Variants in TRIM26 observed in about 807,000 individuals in gnomAD.
TRIM26 encodes tripartite motif containing 26.
TRIM26 carries 16 observed loss-of-function variants against 45.5 expected under a neutral mutation model. That is an observed-to-expected ratio of 0.35 (90% CI 0.24 to 0.53). The LOEUF (loss-of-function observed/expected upper bound fraction) is 0.53, where lower values mean the gene tolerates loss of function less well. Among genes scored for constraint, TRIM26 ranks in the 20% least tolerant of loss-of-function variants. The probability of loss-of-function intolerance (pLI) is 0.92; values close to 1 mark genes in which losing one functional copy is unlikely to be tolerated. For missense variants in TRIM26, 442 were observed against 691.1 expected (o/e 0.64, Z 4.04); for synonymous variants, 273 against 290.4 (o/e 0.94, Z 0.61).
intron 1 of TRIM26, among the ~76,000 whole-genome samples, chr6:30,210,938 C>T (rs1037141191): frequency 2.0e-5 from 3 of 152,134 alleles, no homozygotes; most frequent in African/African-American, 7.2e-5. Context: ...CCATGGGTAA[C>T]GGAAACCACG....
intron 3 of TRIM26, among the ~76,000 whole-genome samples, chr6:30,200,139 C>G (rs1777002087): frequency 6.6e-6 from 1 of 152,052 alleles, no homozygotes; most frequent in Admixed American, 6.5e-5. Context: ...TAAAATACCC[C>G]AGTGTAGTAG....
Position 30,185,717 on chromosome 6 carries a change from G to A in TRIM26, c.*159C>T, listed in dbSNP as rs1052396044. ...TAGATGGAGCAACAGCACTGAGTGA[G>A]ATTTCAGGGGGCCACAGCAATGGGG... On this transcript the variant is annotated 3_prime_UTR_variant, in exon 10 of 10. Coordinates refer to ENST00000454678, the MANE Select transcript of TRIM26 (RefSeq NM_003449.5). This position sits in a 1 kb window ranked among gnomAD's most constrained non-coding sequence, Gnocchi z 5.7. The A allele has an allele frequency of 5.1e-6, 4 of 783,976 alleles. No homozygotes were observed. Among genetic ancestry groups the A allele is most frequent in the Non-Finnish European group, 6.1e-6 (3 of 495,270 alleles). The allele number at this position is 783,976 out of a possible 1,614,324, so 48.6% of individuals were successfully genotyped here.
chr6:30,193,180 ATATTT>A (rs1776100061), intron 6 of TRIM26, among the ~76,000 whole-genome samples: 2 of 47,196 alleles, frequency 4.2e-5, no homozygotes, highest in Non-Finnish European at 7.0e-5. Flanking sequence ...ATATATATAT[ATATTT>A]TTTTTTTTTT....
In TRIM26 at chr6:30,186,200, T is replaced by A. The variant is rs766047015; in HGVS notation, c.1296A>T (p.Glu432Asp). 8.8e-6 allele frequency: 14 copies of A among 1,594,212 alleles called. No individual in the cohort carries two copies. The highest frequency in any genetic ancestry group is 2.3e-5 in the East Asian group (1 of 43,816). Residue 432 changes from glutamate (E) to aspartate (D), a missense_variant, in exon 10 of 10, where the codon GAA becomes GAT. By Grantham distance (45) the Glu-to-Asp change is conservative (BLOSUM62 2). Transcript: ENST00000454678. The surrounding 1 kb of genome is among the most constrained non-coding windows in gnomAD (Gnocchi z 7.4). ...CCCCCACCATGCAGCTTTCCAGAAC[T>A]TCCTCCTCTTCCTCCTCCTCTTCTT... ...EEEEEEEEEE[E>D]VLESCMVGVA...
chr6:30,185,937 C>T lies in TRIM26; in HGVS notation c.1559G>A (p.Arg520Gln), dbSNP rs1775114676. The stretch of plus-strand genomic sequence containing the variant: ...GAGCCACAGGAAGGGGACCAGGCGC[C>T]GGGTGAAGGTGGCAGTGAAGGTGTA... ...LIYTFTATFT[R>Q]RLVPFLWLKW... Residue 520 changes from arginine to glutamine, a missense_variant, in exon 10 of 10, where the codon CGG becomes CAG. Transcript: ENST00000454678. The surrounding 1 kb of genome is among the most constrained non-coding windows in gnomAD (Gnocchi z 5.7). 3.7e-6 allele frequency: 6 copies of T among 1,612,900 alleles called. No individual in the cohort carries two copies. Among genetic ancestry groups the T allele is most frequent in the South Asian group, 2.2e-5 (2 of 91,074 alleles).
chr6:30,186,652 TAAAC>T lies in TRIM26; in HGVS notation c.938-98_938-95del, dbSNP rs2127479346. 1 of 1,392,112 alleles carries T rather than the reference TAAAC, an allele frequency of 7.2e-7. No homozygotes were observed. The highest frequency in any genetic ancestry group is 3.2e-5 in the Admixed American group (1 of 31,716). The allele number at this position is 1,392,112 out of a possible 1,614,324, so 86.2% of individuals were successfully genotyped here. On this transcript the variant is annotated intron_variant, in intron 9 of 9. Coordinates refer to ENST00000454678, the MANE Select transcript of TRIM26 (RefSeq NM_003449.5). This position sits in a 1 kb window ranked among gnomAD's most constrained non-coding sequence, Gnocchi z 7.4. ...TAAAATTTATTTTGGCAGATAGCGT[TAAAC>T]AAAATTAAAGTTGCATACATTAGTA...
In TRIM26 at chr6:30,189,748, A is replaced by G. The variant is rs900762239; in HGVS notation, c.789-215T>C. 3 of 633,706 alleles carry G rather than the reference A, an allele frequency of 4.7e-6. No homozygotes were observed. The South Asian group carries it at 5.9e-5, about 13-fold the overall frequency. 39.3% of individuals were successfully genotyped at this position (633,706 alleles called of 1,614,324 possible). On this transcript the variant is annotated intron_variant, in intron 7 of 9. Coordinates refer to ENST00000454678, the MANE Select transcript of TRIM26 (RefSeq NM_003449.5). The surrounding 1 kb of genome is among the most constrained non-coding windows in gnomAD (Gnocchi z 5.0). ...TCCAGGGCGCTCTGTCTACTAAGCCATGTTTCTAACCTCTCTGCTCTGTCC... is the reference window on the plus strand; with the variant it reads ...TCCAGGGCGCTCTGTCTACTAAGCCGTGTTTCTAACCTCTCTGCTCTGTCC...
At chr6:30,191,695 G>A (rs1775862215) in intron 6 of TRIM26, among the ~76,000 whole-genome samples, 1 of 152,156 alleles carries the variant, frequency 6.6e-6, no homozygotes, top group Non-Finnish European at 1.5e-5. Flanking sequence ...TTACTCCAGA[G>A]GAATAAGACA....
chr6:30,187,635 T>C, intron 9 of TRIM26: 2 of 327,532 alleles, frequency 6.1e-6, no homozygotes, highest in Non-Finnish European at 1.2e-5. Flanking sequence ...AAGAGAAATT[T>C]GGGGCTGGGC....
chr6:30,186,971 C>A lies in TRIM26; in HGVS notation c.938-413G>T. 1 of 447,726 alleles carries A rather than the reference C, an allele frequency of 2.2e-6. No homozygotes were observed. Among genetic ancestry groups the A allele is most frequent in the Non-Finnish European group, 4.1e-6 (1 of 244,326 alleles). The allele number at this position is 447,726 out of a possible 1,614,324, so 27.7% of individuals were successfully genotyped here. ...AAAAAGTCCTCTTTTTCAAGTAACT[C>A]TTGATATGCTTCTTGGTAATCCGGA... On this transcript the variant is annotated intron_variant, in intron 9 of 9. Transcript: ENST00000454678. The surrounding 1 kb of genome is among the most constrained non-coding windows in gnomAD (Gnocchi z 7.4).
rs372694562 is a variant in TRIM26, at chr6:30,208,543, T to C, written c.-375-3778A>G. ...TTTTTTTTTTTTTTTTCCATGTATT[T>C]GGGTGGGGGGCTGTCAACATGTTTG... On this transcript the variant is annotated intron_variant, in intron 1 of 9. Transcript: ENST00000454678. Among the ~76,000 whole-genome samples, 593 of 146,642 alleles carry C rather than the reference T, an allele frequency of 4.0e-3. 1 individual carries two copies. The highest frequency in any genetic ancestry group is 0.011 in the Middle Eastern group (3 of 266).
intron 1 of TRIM26, among the ~76,000 whole-genome samples, chr6:30,211,851 T>C (rs1314439011): frequency 8.1e-6 from 1 of 122,994 alleles, no homozygotes; most frequent in Non-Finnish European, 1.9e-5. Flanking sequence ...AATTAATAAA[T>C]TGGGGGAAGA....
Position 30,198,774 on chromosome 6 carries a change from G to A in TRIM26, c.330C>T (p.His110=), listed in dbSNP as rs774565271. Residue 110 remains histidine (H), a synonymous_variant, in exon 4 of 10, where the codon CAC becomes CAT. Coordinates refer to ENST00000454678, the MANE Select transcript of TRIM26 (RefSeq NM_003449.5). This position sits in a 1 kb window ranked among gnomAD's most constrained non-coding sequence, Gnocchi z 6.3. ...GCTTCCCGTCGTCCTCACAGTAGTA[G>A]TGCAGCTTCTCTCGGTGTCGCTCGC... The part of the protein sequence containing the change: ...KLCERHREKL[H]YYCEDDGKLL... 6.2e-7 allele frequency: 1 copy of A among 1,604,662 alleles called. No individual in the cohort carries two copies. The highest frequency in any genetic ancestry group is 1.1e-5 in the South Asian group (1 of 91,078).
At chr6:30,187,351 T>C (rs1775296598) in intron 9 of TRIM26, 1 of 331,804 alleles carries the variant, frequency 3.0e-6, no homozygotes, top group Non-Finnish European at 6.2e-6. Context: ...AAAGAGGGCA[T>C]TCAGGCATTC....
rs1775769950 is a variant in TRIM26, at chr6:30,190,999, C to T, written c.766-964G>A. On this transcript the variant is annotated intron_variant, in intron 6 of 9. Coordinates refer to ENST00000454678, the MANE Select transcript of TRIM26 (RefSeq NM_003449.5). The surrounding 1 kb of genome is among the most constrained non-coding windows in gnomAD (Gnocchi z 4.3). The stretch of plus-strand genomic sequence containing the variant: ...CCCCACAGAGAAGGGACTAAGGAGG[C>T]AAGAGGAACATGGGGAGGTTGGTCC... 6.6e-6 allele frequency among the ~76,000 whole-genome samples: 1 copy of T among 151,996 alleles called. No homozygotes were observed. Among genetic ancestry groups the T allele is most frequent in the Admixed American group, 6.6e-5 (1 of 15,264 alleles).
intron 1 of TRIM26, among the ~76,000 whole-genome samples, chr6:30,208,045 GGAGA>G (rs1310259838): frequency 2.0e-5 from 3 of 152,312 alleles, no homozygotes; most frequent in Admixed American, 2.0e-4. Flanking sequence ...CATGAAACAA[GGAGA>G]GAGATTGTGT....
chr6:30,195,645 A>G (rs530233177), intron 6 of TRIM26, among the ~76,000 whole-genome samples: 2 of 152,170 alleles, frequency 1.3e-5, no homozygotes, highest in South Asian at 4.1e-4. Context: ...CTGCCTTGCT[A>G]TCTCTCCCTC....
chr6:30,197,030 G>A (rs1398635586), intron 5 of TRIM26, among the ~76,000 whole-genome samples: 3 of 152,158 alleles, frequency 2.0e-5, no homozygotes, highest in African/African-American at 7.2e-5. Flanking sequence ...AGTACGCTCT[G>A]GGGCCCCTAG....
In TRIM26 at chr6:30,186,271, C is replaced by G. The variant is rs758704598; in HGVS notation, c.1225G>C (p.Asp409His). The change falls in exon 10 of 10, where the codon GAC (aspartate) becomes CAC (histidine). Residue 409 changes from aspartate to histidine, a missense_variant. Physicochemically the swap from Asp to His is moderately conservative, Grantham distance 81. Coordinates refer to ENST00000454678, the MANE Select transcript of TRIM26 (RefSeq NM_003449.5). This position sits in a 1 kb window ranked among gnomAD's most constrained non-coding sequence, Gnocchi z 7.4. ...TCCTCATCTTCGTCCGTTTCCCAGT[C>G]GTCATATCCATCCCCATAGCCGGCC... ...EEAGYGDGYD[D>H]WETDEDEESL... is the part of the protein sequence containing the mutation. The G allele has an allele frequency of 6.2e-7, 1 of 1,607,714 alleles. No homozygotes were observed. Among genetic ancestry groups the G allele is most frequent in the South Asian group, 1.1e-5 (1 of 90,510 alleles).
Sources: gnomAD v4.1 joint callset for allele counts (sites outside exome capture counted in the v4.1 genomes callset) on GRCh38, gnomAD v4.1.1 for gene constraint, Gnocchi (gnomAD v3.1) non-coding constraint, MANE v1.5 for transcripts, NCBI Gene and HGNC (gene_info 2026-07-23, HGNC 2026-07-21) for gene names.